Variants in FAM222B observed in about 807,000 individuals in gnomAD.
The protein encoded by FAM222B is family with sequence similarity 222 member B.
In FAM222B, 12 loss-of-function variants were observed where a neutral mutation model predicts 38.0. That is an observed-to-expected ratio of 0.32 (90% CI 0.20 to 0.51). The LOEUF (loss-of-function observed/expected upper bound fraction) is 0.51, where lower values mean the gene tolerates loss of function less well. Among genes scored for constraint, FAM222B ranks in the 20% least tolerant of loss-of-function variants. The pLI, the probability that FAM222B is intolerant of heterozygous loss-of-function variation, is 0.97. For synonymous variants in FAM222B, 329 were observed against 317.2 expected (o/e 1.04, Z -0.40); for missense variants, 716 against 754.2 (o/e 0.95, Z 0.59).
At chr17:28,767,651 C>A (rs905267843) in intron 1 of FAM222B, among the ~76,000 whole-genome samples, 1 of 146,290 alleles carries the variant, frequency 6.8e-6, no homozygotes, top group African/African-American at 2.5e-5. Flanking sequence ...AATTTTTGTA[C>A]TTTTAGTAGA....
chr17:28,806,745 A>G (rs749379169), intron 1 of FAM222B, among the ~76,000 whole-genome samples: 8 of 152,344 alleles, frequency 5.3e-5, no homozygotes, highest in Non-Finnish European at 1.2e-4. Flanking sequence ...AAAGATAAAA[A>G]AAGCCTCTCA....
intron 1 of FAM222B, among the ~76,000 whole-genome samples, chr17:28,853,299 G>A (rs2039196150): frequency 6.6e-6 from 1 of 152,060 alleles, no homozygotes; most frequent in Admixed American, 6.6e-5. Context: ...GGGAGGTCGA[G>A]GCTGTAGTGA....
chr17:28,814,518 G>A (rs1442356385), intron 1 of FAM222B, among the ~76,000 whole-genome samples: 1 of 152,120 alleles, frequency 6.6e-6, no homozygotes. Flanking sequence ...GTGCAGTGGT[G>A]AGATGCTGTG....
intron 1 of FAM222B, among the ~76,000 whole-genome samples, chr17:28,812,633 C>T (rs1412492830): frequency 6.6e-6 from 1 of 152,140 alleles, no homozygotes; most frequent in African/African-American, 2.4e-5. Context: ...CCCGGCCCGA[C>T]TCGGCTCCTC....
At chr17:28,790,902 T>A (rs1288482424) in intron 1 of FAM222B, among the ~76,000 whole-genome samples, 6 of 122,522 alleles carry the variant, frequency 4.9e-5, no homozygotes, top group South Asian at 2.7e-4. Flanking sequence ...TTTTTTTTTT[T>A]TTTTTTTTTT....
intron 1 of FAM222B, among the ~76,000 whole-genome samples, chr17:28,847,874 A>G (rs2039155985): frequency 6.6e-6 from 1 of 151,552 alleles, no homozygotes; most frequent in Admixed American, 6.6e-5. Flanking sequence ...AGATAGCGCC[A>G]CTGTACTCCG....
In FAM222B at chr17:28,811,862, C is replaced by T. The variant is rs144334217; in HGVS notation, c.-41+30820G>A. 3.2e-3 allele frequency among the ~76,000 whole-genome samples: 491 copies of T among 152,282 alleles called. 3 individuals are homozygous for T. Among genetic ancestry groups the T allele is most frequent in the African/African-American group, 0.011 (471 of 41,558 alleles). ...GGTGAAGACAACCTTAATGGACACG[C>T]ATGGAGTACAGTTCCAAATATCCAC... On this transcript the variant is annotated intron_variant, in intron 1 of 2. Transcript: ENST00000581407.
rs139312236 is a variant in FAM222B at position 28,762,403 on chromosome 17, G to A, written c.83-2527C>T. On this transcript the variant is annotated intron_variant, in intron 2 of 2. Coordinates refer to ENST00000581407, the MANE Select transcript of FAM222B (RefSeq NM_001077498.3). ...GGCACTTTGGGAGGCCGAGGCGGGT[G>A]GATCATGAGGTCAGGAGTTCAAGAC... 3.8e-3 allele frequency among the ~76,000 whole-genome samples: 577 copies of A among 152,070 alleles called. 3 individuals carry two copies. The highest frequency in any genetic ancestry group is 0.014 in the African/African-American group (564 of 41,478).
intron 2 of FAM222B, among the ~76,000 whole-genome samples, chr17:28,761,030 T>C (rs1201964221): frequency 1.3e-5 from 2 of 152,218 alleles, no homozygotes; most frequent in Non-Finnish European, 2.9e-5. Context: ...CTTTCAGTCC[T>C]GAGAGCCAAA....
chr17:28,839,959 A>G (rs2152628827), intron 1 of FAM222B, among the ~76,000 whole-genome samples: 1 of 151,876 alleles, frequency 6.6e-6, no homozygotes, highest in African/African-American at 2.4e-5. Context: ...ACCTTTACTC[A>G]GGTAAAAGAC....
At chr17:28,817,546 C>A (rs943903864) in intron 1 of FAM222B, among the ~76,000 whole-genome samples, 1 of 152,122 alleles carries the variant, frequency 6.6e-6, no homozygotes, top group African/African-American at 2.4e-5. Context: ...CATGGTGAAA[C>A]CCTGTCTCTA....
intron 1 of FAM222B, among the ~76,000 whole-genome samples, chr17:28,805,510 G>A (rs1296040453): frequency 6.6e-6 from 1 of 151,888 alleles, no homozygotes; most frequent in East Asian, 1.9e-4. Context: ...ACTCCAGCCT[G>A]GGTGACAGAG....
rs1264877561 is a variant in FAM222B, at chr17:28,758,728, G to T, written c.1231C>A (p.Pro411Thr). 1 of 1,583,218 alleles carries T rather than the reference G, an allele frequency of 6.3e-7. No individual in the cohort carries two copies. The change falls in exon 3 of 3, where the codon CCG becomes ACG. Residue 411 changes from proline (P) to threonine (T), a missense_variant. Coordinates refer to ENST00000581407, the MANE Select transcript of FAM222B (RefSeq NM_001077498.3). ...GACTGCGCCAGGCAGAGTTCCTGCG[G>T]GTAGGCAGGGGCCTTGCCCACAAAG... ...PGFVGKAPAYPQELCLAQSFH... is the reference protein window; with the variant it reads ...PGFVGKAPAYTQELCLAQSFH...
At chr17:28,803,980 CA>C (rs201875974) in intron 1 of FAM222B, among the ~76,000 whole-genome samples, 7 of 145,882 alleles carry the variant, frequency 4.8e-5, no homozygotes, top group Admixed American at 6.9e-5. Context: ...GACCACGTCT[CA>C]AAAAAAAAAC....
chr17:28,777,406 C>G (rs577343270), intron 1 of FAM222B, among the ~76,000 whole-genome samples: 1 of 152,192 alleles, frequency 6.6e-6, no homozygotes, highest in South Asian at 2.1e-4. Context: ...ATACTCTGTC[C>G]GGGATCTACT....
chr17:28,782,618 A>G (rs959820213), intron 1 of FAM222B, among the ~76,000 whole-genome samples: 1 of 152,222 alleles, frequency 6.6e-6, no homozygotes, highest in Non-Finnish European at 1.5e-5. Context: ...TAAATATGGT[A>G]TAACAAGAAT....
At chr17:28,843,023 C>T (rs2039102644), upstream of FAM222B, among the ~76,000 whole-genome samples, 1 of 152,114 alleles carries the variant, frequency 6.6e-6, no homozygotes, top group Admixed American at 6.5e-5. Flanking sequence ...ACCCTTGGAT[C>T]GCGCTTCCCC....
At chr17:28,842,118 C>G (rs2039060105) in intron 1 of FAM222B, among the ~76,000 whole-genome samples, 1 of 152,128 alleles carries the variant, frequency 6.6e-6, no homozygotes, top group African/African-American at 2.4e-5. Flanking sequence ...ATGACATCTT[C>G]CTGGTGTTCA....
Position 28,784,491 on chromosome 17 carries a change from T to TAAAAAAAAA in FAM222B, c.-40-17793_-40-17785dup, listed in dbSNP as rs559624246. Among the ~76,000 whole-genome samples, 67 of 36,050 alleles carry TAAAAAAAAA rather than the reference T, an allele frequency of 1.9e-3. 8 individuals are homozygous for TAAAAAAAAA. The highest frequency in any genetic ancestry group is 3.3e-3 in the East Asian group (3 of 916). The allele number at this position is 36,050 out of a possible 152,430, so 23.7% of individuals were successfully genotyped here. A position where few individuals can be genotyped will look rare whatever the true frequency, so the allele number is the denominator to read the frequency against. On this transcript the variant is annotated intron_variant, in intron 1 of 2. Coordinates refer to ENST00000581407, the MANE Select transcript of FAM222B (RefSeq NM_001077498.3). ...AACAACAGAGTAAGATCCCCTCTCTTAAAAAAAAAAAAAAAAAAAAAAAAA... is the reference window on the plus strand; with the variant it reads ...AACAACAGAGTAAGATCCCCTCTCTTAAAAAAAAAAAAAAAAAAAAAAAAAAAAAAAAAA...
Sources: gnomAD v4.1 joint callset for allele counts (sites outside exome capture counted in the v4.1 genomes callset) on GRCh38, gnomAD v4.1.1 for gene constraint, MANE v1.5 for transcripts, NCBI Gene and HGNC (gene_info 2026-07-23, HGNC 2026-07-21) for gene names.